The following ATRNL1 variants were observed in gnomAD, a reference collection of about 807,000 sequenced individuals.
ATRNL1 encodes the protein attractin-like protein 1.
ATRNL1 carries 95 observed loss-of-function variants against 182.7 expected under a neutral mutation model. The ratio of observed to expected loss-of-function variants is 0.52; its 90% CI spans 0.44 to 0.62. ATRNL1 has a LOEUF of 0.62. Ranked by LOEUF, ATRNL1 falls within the 20% of genes least tolerant of loss-of-function variation. ATRNL1 has a pLI of 0.00. For synonymous variants in ATRNL1, 576 were observed against 568.3 expected (o/e 1.01, Z -0.19); for missense variants, 1,471 against 1,679.5 (o/e 0.88, Z 2.17).
chr10:115,160,360 G>T, intron 6 of ATRNL1, 146 bp downstream of exon 6: 1 of 663,084 alleles, frequency 1.5e-6, no homozygotes, highest in East Asian at 2.7e-5. Flanking sequence ...GTGAATACAT[G>T]AACTCAGTAT....
rs372534986 is a variant in ATRNL1 at position 115,724,192 on chromosome 10, G to A, written c.3796-3056G>A. On this transcript the variant is annotated intron_variant, in intron 26 of 28. Transcript: ENST00000355044. ...TTTTCAAATTTTCTTAAGAAAATAC[G>A]ATACAGTTTTTCCTAATTTTCAGGA... 4.5e-4 allele frequency among the ~76,000 whole-genome samples: 69 copies of A among 152,186 alleles called. 1 individual carries two copies. Among genetic ancestry groups the A allele is most frequent in the Non-Finnish European group, 7.5e-4 (51 of 68,000 alleles).
chr10:115,494,601 G>A (rs955277015), intron 24 of ATRNL1, among the ~76,000 whole-genome samples: 1 of 152,190 alleles, frequency 6.6e-6, no homozygotes, highest in Admixed American at 6.5e-5. Flanking sequence ...AGATGATTAT[G>A]TGGTTTTTGT....
rs539296941 is a variant in ATRNL1 at position 115,414,575 on chromosome 10, A to G, written c.3270-11675A>G. Among the ~76,000 whole-genome samples, 43 of 152,074 alleles carry G rather than the reference A, an allele frequency of 2.8e-4. No individual in the cohort carries two copies. The South Asian group carries it at 8.7e-3, about 31-fold the overall frequency. On this transcript the variant is annotated intron_variant, in intron 20 of 28. Coordinates refer to ENST00000355044, the MANE Select transcript of ATRNL1 (RefSeq NM_207303.4). The stretch of plus-strand genomic sequence containing the variant: ...AATAACCTGAAACTACTTCCAGTAT[A>G]CTCAGAGAGATTATTGTTCATTTCT...
intron 22 of ATRNL1, among the ~76,000 whole-genome samples, chr10:115,463,789 A>G (rs1294329957): frequency 5.3e-5 from 8 of 152,036 alleles, no homozygotes; most frequent in Non-Finnish European, 1.2e-4. Context: ...CATTTAGCAT[A>G]GTGTTTCCAA....
chr10:115,500,012 AG>A (rs1849740995), intron 24 of ATRNL1, among the ~76,000 whole-genome samples: 2 of 152,158 alleles, frequency 1.3e-5, no homozygotes, highest in South Asian at 4.1e-4. Flanking sequence ...CCAAGTTATT[AG>A]GAAAGCTCAT....
At position 115,156,766 on chromosome 10, in the gene ATRNL1, T is replaced by C. The variant is rs567458004; in HGVS notation, c.830-3274T>C. ...AAATTGTCATACTGATTGAGAAAAG[T>C]AATGCAGAGAGAGTTATGGGGATAT... On this transcript the variant is annotated intron_variant, in intron 5 of 28. Transcript: ENST00000355044. Among the ~76,000 whole-genome samples, 5 of 152,266 alleles carry C rather than the reference T, an allele frequency of 3.3e-5. No individual in the cohort carries two copies. The South Asian group carries it at 1.0e-3, about 32-fold the overall frequency.
At chr10:115,912,413 TATTTG>T (rs1952709376) in intron 28 of ATRNL1, among the ~76,000 whole-genome samples, 1 of 62,868 alleles carries the variant, frequency 1.6e-5, no homozygotes, top group African/African-American at 6.3e-5. Context: ...TATATATATA[TATTTG>T]TGTGTGTGTG....
intron 25 of ATRNL1, among the ~76,000 whole-genome samples, chr10:115,541,904 C>A (rs1344993970): frequency 6.6e-6 from 1 of 152,036 alleles, no homozygotes; most frequent in Non-Finnish European, 1.5e-5. Flanking sequence ...ATTTATTGAG[C>A]TATATACTTA....
intron 27 of ATRNL1, among the ~76,000 whole-genome samples, chr10:115,736,690 G>C (rs1480031642): frequency 6.6e-6 from 1 of 152,152 alleles, no homozygotes; most frequent in Non-Finnish European, 1.5e-5. Context: ...AAAACCAAGG[G>C]CCTCTCTTTA....
intron 10 of ATRNL1, among the ~76,000 whole-genome samples, chr10:115,255,299 C>T (rs1271114879): frequency 2.0e-5 from 3 of 152,132 alleles, no homozygotes; most frequent in African/African-American, 7.2e-5. Context: ...TTTGTGTCCT[C>T]TTTTATTTCG....
At chr10:115,863,417 C>G (rs1351929723) in intron 28 of ATRNL1, among the ~76,000 whole-genome samples, 4 of 152,100 alleles carry the variant, frequency 2.6e-5, no homozygotes, top group African/African-American at 4.8e-5. Context: ...GTTTCTTCTA[C>G]AAACAGGAGC....
At chr10:115,449,540 C>T (rs773947693) in intron 21 of ATRNL1, among the ~76,000 whole-genome samples, 8 of 152,274 alleles carry the variant, frequency 5.3e-5, no homozygotes, top group Middle Eastern at 3.4e-3. Context: ...TTAAGCCTTC[C>T]GTGGATGGCA....
chr10:115,329,362 C>G (rs1244333529), intron 18 of ATRNL1, among the ~76,000 whole-genome samples: 1 of 152,020 alleles, frequency 6.6e-6, no homozygotes, highest in African/African-American at 2.4e-5. Context: ...AATTCTGCAG[C>G]TTTTGGATGG....
intron 21 of ATRNL1, among the ~76,000 whole-genome samples, chr10:115,428,010 G>C (rs1554963291): frequency 2.6e-5 from 4 of 151,564 alleles, no homozygotes; most frequent in Admixed American, 2.6e-4. Flanking sequence ...AATTTGGGGA[G>C]AATTGGCATG....
At chr10:115,861,127 GC>G (rs2134391541) in intron 28 of ATRNL1, among the ~76,000 whole-genome samples, 1 of 152,136 alleles carries the variant, frequency 6.6e-6, no homozygotes, top group South Asian at 2.1e-4. Context: ...CTACCCATCA[GC>G]CCCTCTCCGA....
chr10:115,752,324 G>C (rs1555070816), intron 27 of ATRNL1, among the ~76,000 whole-genome samples: 1 of 151,940 alleles, frequency 6.6e-6, no homozygotes, highest in Non-Finnish European at 1.5e-5. Context: ...CCACCTAGGA[G>C]AATAAGAAAG....
chr10:115,638,595 GAAAACC>G (rs1341447134), intron 26 of ATRNL1, among the ~76,000 whole-genome samples: 5 of 152,212 alleles, frequency 3.3e-5, no homozygotes, highest in Admixed American at 3.3e-4. Context: ...ATCTTTTAAG[GAAAACC>G]AAAACATTAT....
At chr10:115,339,855 A>G (rs1855655760) in intron 19 of ATRNL1, among the ~76,000 whole-genome samples, 1 of 152,074 alleles carries the variant, frequency 6.6e-6, no homozygotes, top group African/African-American at 2.4e-5. Flanking sequence ...TATGGCTTTT[A>G]TTAGGTTGAG....
At chr10:115,381,902 AT>A (rs1554951253) in intron 19 of ATRNL1, among the ~76,000 whole-genome samples, 1 of 151,448 alleles carries the variant, frequency 6.6e-6, no homozygotes, top group Non-Finnish European at 1.5e-5. Context: ...GTCCAAGTCT[AT>A]TTTTTTTAAA....
Sources: gnomAD v4.1 joint callset for allele counts (sites outside exome capture counted in the v4.1 genomes callset) on GRCh38, gnomAD v4.1.1 for gene constraint, MANE v1.5 for transcripts, NCBI Gene and HGNC (gene_info 2026-07-23, HGNC 2026-07-21) for gene names.